Variants in ZFHX2 observed in about 807,000 individuals in gnomAD.
ZFHX2 encodes the protein zinc finger homeobox 2.
In ZFHX2, 75 loss-of-function variants were observed where a neutral mutation model predicts 164.8. The ratio of observed to expected loss-of-function variants is 0.46; its 90% CI spans 0.38 to 0.55. The LOEUF is 0.55. ZFHX2 is among the 20% of genes least tolerant of loss of function. The probability of loss-of-function intolerance (pLI) is 0.00; values close to 1 mark genes in which losing one functional copy is unlikely to be tolerated. For synonymous variants in ZFHX2, 1,217 were observed against 1,351.4 expected (o/e 0.90, Z 2.18); for missense variants, 2,933 against 3,308.0 (o/e 0.89, Z 2.78).
At position 23,534,616 on chromosome 14, in the gene ZFHX2, C is replaced by T; in HGVS notation, c.710G>A (p.Trp237Ter). Reference sequence around the variant, plus strand: ...ACCCAGGCGGCACAGAAGGCAGAGCCAGAAGACCGCCACGTGGTTGCCCCC... The same window carrying T: ...ACCCAGGCGGCACAGAAGGCAGAGCTAGAAGACCGCCACGTGGTTGCCCCC... ...NSGGNHVAVF[W>*]LCLLCRLGFS... Residue 237 changes from tryptophan to a stop codon, truncating the protein, a stop_gained, in exon 2 of 10, where the codon TGG becomes TAG. Coordinates refer to ENST00000419474, the MANE Select transcript of ZFHX2 (RefSeq NM_033400.3). LOFTEE classifies it high-confidence loss of function. The surrounding 1 kb of genome is among the most constrained non-coding windows in gnomAD (Gnocchi z 4.5). 1 of 1,536,144 alleles carries T rather than the reference C, an allele frequency of 6.5e-7. No homozygotes were observed. Among genetic ancestry groups the T allele is most frequent in the East Asian group, 2.4e-5 (1 of 40,912 alleles).
chr14:23,534,162 T>TG lies in ZFHX2; in HGVS notation c.1163dup (p.Leu389ThrfsTer26). On this transcript the variant is annotated frameshift_variant, in exon 2 of 10. Transcript: ENST00000419474. LOFTEE classifies it high-confidence loss of function. The surrounding 1 kb of genome is among the most constrained non-coding windows in gnomAD (Gnocchi z 4.5). ...TGGAGGTGGGTGAGCTTTGGTTGAG[T>TG]GGGGGGCAGAGCCCTCCATCCTCTT... 2 of 1,471,890 alleles carry TG rather than the reference T, an allele frequency of 1.4e-6. No individual in the cohort carries two copies. The highest frequency in any genetic ancestry group is 1.8e-6 in the Non-Finnish European group (2 of 1,115,504). 91.2% of individuals were successfully genotyped at this position (1,471,890 alleles called of 1,614,324 possible). A position where few individuals can be genotyped will look rare whatever the true frequency, so the allele number is the denominator to read the frequency against.
intron 6 of ZFHX2, 77 bp from the exon 7 acceptor site, chr14:23,527,881 G>A (rs1878960070): frequency 1.8e-6 from 2 of 1,083,594 alleles, no homozygotes; most frequent in Non-Finnish European, 2.7e-6. Context: ...TTTGGATGCA[G>A]CACTGGCCCG....
At chr14:23,540,938 C>T (rs981125178) in intron 1 of ZFHX2, among the ~76,000 whole-genome samples, 3 of 151,874 alleles carry the variant, frequency 2.0e-5, no homozygotes, top group African/African-American at 7.3e-5. Flanking sequence ...CAGAGTCTCG[C>T]TCTGTCACCC....
chr14:23,522,430 C>A lies in ZFHX2; in HGVS notation c.7251G>T (p.Lys2417Asn). 1 of 1,536,466 alleles carries A rather than the reference C, an allele frequency of 6.5e-7. No individual in the cohort carries two copies. Among genetic ancestry groups the A allele is most frequent in the Non-Finnish European group, 8.7e-7 (1 of 1,146,898 alleles). ...CCCCTGGAGCAGGCAGTTCAGGAGG[C>A]TTTGGAGGTGCTGTGGCTGTGGGCT... ...PPEPTATAPPKPPELPAPGEG... is the reference protein window; with the variant it reads ...PPEPTATAPPNPPELPAPGEG... The change falls in exon 10 of 10, where the codon AAG (lysine) becomes AAT (asparagine). Residue 2417 changes from lysine (K) to asparagine (N), a missense_variant. Physicochemically the swap from Lys to Asn is moderately conservative, Grantham distance 94. Transcript: ENST00000419474.
chr14:23,545,235 G>T (rs1233126527), intron 1 of ZFHX2, among the ~76,000 whole-genome samples: 2 of 152,250 alleles, frequency 1.3e-5, no homozygotes, highest in Admixed American at 6.5e-5. Flanking sequence ...TGCCACTTCA[G>T]TTCCTCCCAT....
intron 1 of ZFHX2, among the ~76,000 whole-genome samples, chr14:23,537,357 C>G (rs1352946837): frequency 6.6e-6 from 1 of 152,060 alleles, no homozygotes; most frequent in Non-Finnish European, 1.5e-5. Flanking sequence ...ATTAGCAGAT[C>G]TCTAGTGATT....
At chr14:23,527,835 T>C in intron 6 of ZFHX2, 31 bp from the exon 7 acceptor site, 2 of 1,528,500 alleles carry the variant, frequency 1.3e-6, no homozygotes, top group Non-Finnish European at 1.7e-6. Context: ...GTGGACGAAG[T>C]GTCAGGGAAG....
rs1161398663 is a variant in ZFHX2, at chr14:23,523,982, G to T, written c.5960C>A (p.Ala1987Asp). The change falls in exon 9 of 10, where the codon GCC becomes GAC. Residue 1987 changes from alanine (A) to aspartate (D), a missense_variant. Transcript: ENST00000419474. This position sits in a 1 kb window ranked among gnomAD's most constrained non-coding sequence, Gnocchi z 4.1. ...AGGTGGCTCTGGTGTTGGGGTGGTGGCCTCTTTCCCAGGTGGTAGGAAAGG... is the reference window on the plus strand; with the variant it reads ...AGGTGGCTCTGGTGTTGGGGTGGTGTCCTCTTTCCCAGGTGGTAGGAAAGG... ...PQPFLPPGKE[A>D]TTPTPEPPLP... The T allele has an allele frequency of 6.5e-7, 1 of 1,527,294 alleles. No individual in the cohort carries two copies. The highest frequency in any genetic ancestry group is 1.4e-5 in the African/African-American group (1 of 72,816). 94.6% of individuals were successfully genotyped at this position (1,527,294 alleles called of 1,614,324 possible).
At position 23,522,931 on chromosome 14, in the gene ZFHX2, G is replaced by A. The variant is rs2055293586; in HGVS notation, c.6750C>T (p.Ala2250=). 3.5e-6 allele frequency: 5 copies of A among 1,442,984 alleles called. No homozygotes were observed. Among genetic ancestry groups the A allele is most frequent in the Non-Finnish European group, 4.5e-6 (5 of 1,103,356 alleles). The allele number at this position is 1,442,984 out of a possible 1,614,324, so 89.4% of individuals were successfully genotyped here. A position where few individuals can be genotyped will look rare whatever the true frequency, so the allele number is the denominator to read the frequency against. The change falls in exon 10 of 10, where the codon GCC becomes GCT. Residue 2250 remains alanine (A), a synonymous_variant. Coordinates refer to ENST00000419474, the MANE Select transcript of ZFHX2 (RefSeq NM_033400.3). ...NLAPFNSGPA[A]SSGLLGLATS... is the part of the protein sequence containing the mutation. ...TGGCGAGGCCGAGGAGGCCTGAGGAGGCTGCCGGGCCTAGAAAGGTGAAAG... is the reference window on the plus strand; with the variant it reads ...TGGCGAGGCCGAGGAGGCCTGAGGAAGCTGCCGGGCCTAGAAAGGTGAAAG...
intron 1 of ZFHX2, among the ~76,000 whole-genome samples, chr14:23,548,083 C>T (rs1175670346): frequency 6.6e-6 from 1 of 152,162 alleles, no homozygotes; most frequent in Non-Finnish European, 1.5e-5. Context: ...TGCATTCTAG[C>T]TTTAGTCTCC....
At chr14:23,532,479 T>G in intron 3 of ZFHX2, 88 bp downstream of exon 3, 1 of 1,376,218 alleles carries the variant, frequency 7.3e-7, no homozygotes, top group East Asian at 2.6e-5. Flanking sequence ...TCACCCAGGG[T>G]TTTCCTATCA....
rs778731228 is a variant in ZFHX2 at position 23,534,431 on chromosome 14, G to A, written c.895C>T (p.Arg299Cys). The change falls in exon 2 of 10, where the codon CGC (arginine) becomes TGC (cysteine). Residue 299 changes from arginine (R) to cysteine (C), a missense_variant. Arg to Cys is a radical substitution (Grantham distance 180). Transcript: ENST00000419474. This position sits in a 1 kb window ranked among gnomAD's most constrained non-coding sequence, Gnocchi z 4.5. ...ISFLEPKLPARPSSDIPLDNS... is the reference protein window; with the variant it reads ...ISFLEPKLPACPSSDIPLDNS... ...TCAAGGGGTATGTCAGAAGAGGGGC[G>A]AGCAGGGAGTTTTGGCTCCAGAAAG... The A allele has an allele frequency of 3.6e-5, 56 of 1,536,572 alleles. No individual in the cohort carries two copies. Among genetic ancestry groups the A allele is most frequent in the Non-Finnish European group, 4.5e-5 (52 of 1,147,038 alleles).
chr14:23,526,104 T>G lies in ZFHX2; in HGVS notation c.3838A>C (p.Lys1280Gln), dbSNP rs1007364061. Residue 1280 changes from lysine (K) to glutamine (Q), a missense_variant, in exon 9 of 10, where the codon AAG becomes CAG. Physicochemically the swap from Lys to Gln is moderately conservative, Grantham distance 53. Transcript: ENST00000419474. ...VLHQTRSRGT[K>Q]TDSKIEGPER... ...GGCCCTTCAATCTTGGAATCAGTCT[T>G]GGTTCCCCGAGAGCGAGTCTGATGC... The G allele has an allele frequency of 5.9e-6, 9 of 1,536,358 alleles. No homozygotes were observed. Among genetic ancestry groups the G allele is most frequent in the Non-Finnish European group, 7.8e-6 (9 of 1,146,932 alleles).
chr14:23,521,752 A>C lies in ZFHX2; in HGVS notation c.*210T>G. 1.2e-6 allele frequency: 1 copy of C among 830,340 alleles called. No homozygotes were observed. The allele number at this position is 830,340 out of a possible 1,614,324, so 51.4% of individuals were successfully genotyped here. A position where few individuals can be genotyped will look rare whatever the true frequency, so the allele number is the denominator to read the frequency against. Reference sequence around the variant, plus strand: ...CATCTGCAAGGAGCTGAGGAGGAGGATCAATGTGTGTGTCTGTGGGGATTG... The same window carrying C: ...CATCTGCAAGGAGCTGAGGAGGAGGCTCAATGTGTGTGTCTGTGGGGATTG... On this transcript the variant is annotated 3_prime_UTR_variant, in exon 10 of 10. Coordinates refer to ENST00000419474, the MANE Select transcript of ZFHX2 (RefSeq NM_033400.3).
rs1181423037 is a variant in ZFHX2, at chr14:23,551,427, G to A, written c.-134C>T. 6.6e-6 allele frequency: 1 copy of A among 152,454 alleles called. No homozygotes were observed. The highest frequency in any genetic ancestry group is 2.4e-5 in the African/African-American group (1 of 41,368). The allele number at this position is 152,454 out of a possible 1,614,324, so 9.4% of individuals were successfully genotyped here. ...GAGGGGAGGGGGCGGCTCTTGGAAG[G>A]GACTTCTCCGATGTGTTGATTCCTC... On this transcript the variant is annotated 5_prime_UTR_variant, in exon 1 of 10. Coordinates refer to ENST00000419474, the MANE Select transcript of ZFHX2 (RefSeq NM_033400.3). The surrounding 1 kb of genome is among the most constrained non-coding windows in gnomAD (Gnocchi z 5.3).
chr14:23,523,470 A>T lies in ZFHX2; in HGVS notation c.6472T>A (p.Tyr2158Asn), dbSNP rs1878306004. Residue 2158 changes from tyrosine (Y) to asparagine (N), a missense_variant, in exon 9 of 10, where the codon TAT becomes AAT. Physicochemically the swap from Tyr to Asn is moderately radical, Grantham distance 143. Coordinates refer to ENST00000419474, the MANE Select transcript of ZFHX2 (RefSeq NM_033400.3). The surrounding 1 kb of genome is among the most constrained non-coding windows in gnomAD (Gnocchi z 4.1). ...AAGAGATGGCCTCGGCAGGAGACAT[A>T]GAAATCATACTTGACATCACAATAG... ...CPYCDVKYDFYVSCRGHLFSR... is the reference protein window; with the variant it reads ...CPYCDVKYDFNVSCRGHLFSR... 5 of 1,536,076 alleles carry T rather than the reference A, an allele frequency of 3.3e-6. No homozygotes were observed. Among genetic ancestry groups the T allele is most frequent in the African/African-American group, 1.4e-5 (1 of 73,048 alleles).
chr14:23,524,405 G>C lies in ZFHX2; in HGVS notation c.5537C>G (p.Ala1846Gly). Residue 1846 changes from alanine (A) to glycine (G), a missense_variant, in exon 9 of 10, where the codon GCA becomes GGA. Ala to Gly is a moderately conservative substitution (Grantham distance 60, BLOSUM62 0). Coordinates refer to ENST00000419474, the MANE Select transcript of ZFHX2 (RefSeq NM_033400.3). This position sits in a 1 kb window ranked among gnomAD's most constrained non-coding sequence, Gnocchi z 5.6. ...GGGCTCGCCCTCCCCTCCTCCCCCT[G>C]CTTCACTGCCTGTGGGAGACAAGCT... ...DGSLSPTGSE[A>G]GGGGEGEPPR... 6.5e-7 allele frequency: 1 copy of C among 1,536,198 alleles called. No homozygotes were observed. The highest frequency in any genetic ancestry group is 8.7e-7 in the Non-Finnish European group (1 of 1,146,902).
chr14:23,536,078 A>G (rs1178095051), intron 1 of ZFHX2, among the ~76,000 whole-genome samples: 1 of 152,064 alleles, frequency 6.6e-6, no homozygotes. Context: ...CTCCTTCACT[A>G]ACACCATCCT....
rs1224850500 is a variant in ZFHX2 at position 23,521,982 on chromosome 14, AG to A, written c.7698del (p.Ser2567LeufsTer4). The A allele has an allele frequency of 6.5e-7, 1 of 1,536,294 alleles. No homozygotes were observed. The highest frequency in any genetic ancestry group is 2.4e-5 in the East Asian group (1 of 40,908). On this transcript the variant is annotated frameshift_variant, in exon 10 of 10. Transcript: ENST00000419474. LOFTEE classifies it high-confidence loss of function. Reference sequence around the variant, plus strand: ...TCTGTTTATAAAGCTAGAAGTGTAGAGGTAGTCGTAGTTTTTGGGTTGGAGT... The same window carrying A: ...TCTGTTTATAAAGCTAGAAGTGTAGAGTAGTCGTAGTTTTTGGGTTGGAGT... ...HTDSNPKTTT[T>X]STLLAL
Sources: gnomAD v4.1 joint callset for allele counts (sites outside exome capture counted in the v4.1 genomes callset) on GRCh38, gnomAD v4.1.1 for gene constraint, Gnocchi (gnomAD v3.1) non-coding constraint, MANE v1.5 for transcripts, NCBI Gene and HGNC (gene_info 2026-07-23, HGNC 2026-07-21) for gene names.